Variants in MAGED1 observed in about 807,000 individuals in gnomAD.
The protein encoded by MAGED1 is melanoma-associated antigen D1.
MAGED1 carries 3 observed loss-of-function variants against 54.1 expected under a neutral mutation model. The ratio of observed to expected loss-of-function variants is 0.06; its 90% CI spans 0.03 to 0.14. The LOEUF is 0.14. Among genes scored for constraint, MAGED1 ranks in the 10% least tolerant of loss-of-function variants. MAGED1 has a pLI of 1.00. For missense variants in MAGED1, 485 were observed against 623.4 expected, an observed-to-expected ratio of 0.78 and a Z score of 2.36; for synonymous variants, 217 against 227.3, an observed-to-expected ratio of 0.95 and a Z score of 0.41.
chrX:51,894,798 C>A (rs782686787), intron 2 of MAGED1: 1 of 1,142,433 alleles, frequency 8.8e-7, no homozygotes, highest in East Asian at 3.0e-5. Flanking sequence ...GGCTCCTGTT[C>A]GTGCCCACTT....
intron 1 of MAGED1, among the ~76,000 whole-genome samples, chrX:51,811,511 C>T (rs782676191): frequency 9.0e-6 from 1 of 111,303 alleles, no homozygotes; most frequent in Non-Finnish European, 1.9e-5. Context: ...AATCACTAGG[C>T]TTAGGAAGGA....
chrX:51,896,099 CA>C (rs2081449935), intron 3 of MAGED1: 2 of 377,398 alleles, frequency 5.3e-6, no homozygotes, highest in Non-Finnish European at 9.1e-6. Context: ...GCCAATTTTA[CA>C]AAGAAGGAAA....
rs782000701 is a variant in MAGED1, at chrX:51,897,543, A to C, written c.1487-4A>C. ...CTCAGATGGCTCCCTCCTCTCTCCT[A>C]CAGAAATGCTGAGAGATATCATCCG... On this transcript the variant is annotated splice_region_variant and splice_polypyrimidine_tract_variant and intron_variant, in intron 5 of 12. Coordinates refer to ENST00000326587, the MANE Select transcript of MAGED1 (RefSeq NM_006986.4). The C allele has an allele frequency of 2.5e-6, 3 of 1,196,911 alleles. No individual in the cohort carries two copies. The highest frequency in any genetic ancestry group is 3.4e-6 in the Non-Finnish European group (3 of 883,433).
intron 2 of MAGED1, chrX:51,894,670 C>T (rs372507787): frequency 4.2e-6 from 5 of 1,186,972 alleles, no homozygotes; most frequent in Non-Finnish European, 5.7e-6. Flanking sequence ...CTCCCCCAGC[C>T]TCCTGCCTCC....
chrX:51,860,132 G>A (rs1276387676), intron 1 of MAGED1, among the ~76,000 whole-genome samples: 1 of 110,225 alleles, frequency 9.1e-6, no homozygotes, highest in African/African-American at 3.3e-5. Flanking sequence ...AGGCATGGTG[G>A]TGCACATCTG....
In MAGED1 at chrX:51,901,592, A is replaced by G; in HGVS notation, c.1999A>G (p.Met667Val). The G allele has an allele frequency of 8.3e-7, 1 of 1,201,542 alleles. No homozygotes were observed. Among genetic ancestry groups the G allele is most frequent in the Non-Finnish European group, 1.1e-6 (1 of 890,117 alleles). ...RDPRDWTAQF[M>V]EAADEALDAL... ...CCCTCGTGACTGGACTGCACAGTTC[A>G]TGGAGGCTGCAGATGAGGCCTTGGA... Residue 667 changes from methionine (M) to valine (V), a missense_variant, in exon 12 of 13, where the codon ATG becomes GTG. By Grantham distance (21) the Met-to-Val change is conservative. Transcript: ENST00000326587.
chrX:51,824,922 TGG>T (rs1557356863), intron 1 of MAGED1, among the ~76,000 whole-genome samples: 1 of 106,543 alleles, frequency 9.4e-6, no homozygotes, highest in Middle Eastern at 4.5e-3. Flanking sequence ...TTCCTCAGAC[TGG>T]ATGATCTGAA....
chrX:51,870,203 G>A (rs1385178190), intron 1 of MAGED1, among the ~76,000 whole-genome samples: 1 of 111,599 alleles, frequency 9.0e-6, no homozygotes, highest in African/African-American at 3.3e-5. Flanking sequence ...TAAAAAGTGA[G>A]GCTTGTATTT....
intron 1 of MAGED1, among the ~76,000 whole-genome samples, chrX:51,841,848 A>G (rs956999401): frequency 8.9e-6 from 1 of 111,973 alleles, no homozygotes; most frequent in African/African-American, 3.2e-5. Context: ...GCCTTGTAGT[A>G]TAGTTTAAAG....
Position 51,896,879 on chromosome X carries a change from C to T in MAGED1, c.1224C>T (p.Pro408=), listed in dbSNP as rs1312567036. 1.1e-5 allele frequency: 13 copies of T among 1,203,255 alleles called. No homozygotes were observed. Among genetic ancestry groups the T allele is most frequent in the East Asian group, 6.0e-5 (2 of 33,272 alleles). The change falls in exon 4 of 13, where the codon CCC becomes CCT. Residue 408 remains proline, a synonymous_variant. Coordinates refer to ENST00000326587, the MANE Select transcript of MAGED1 (RefSeq NM_006986.4). ...WQGPPDWPLP[P]DWPLPPDWPL... is the part of the protein sequence containing the mutation. The stretch of plus-strand genomic sequence containing the variant: ...GTCCTCCTGACTGGCCGCTACCACC[C>T]GACTGGCCACTGCCACCTGATTGGC...
intron 1 of MAGED1, among the ~76,000 whole-genome samples, chrX:51,880,052 C>T (rs782687468): frequency 9.3e-4 from 105 of 112,681 alleles, no homozygotes; most frequent in South Asian, 2.2e-3. Context: ...GAATTGTCTG[C>T]GTGGTGTCTA....
upstream of MAGED1, among the ~76,000 whole-genome samples, chrX:51,893,312 C>G (rs1928521075): frequency 9.6e-6 from 1 of 103,643 alleles, no homozygotes; most frequent in South Asian, 4.5e-4. Flanking sequence ...GGAATAGAGA[C>G]GCATTGCGGA....
At chrX:51,814,719 A>G (rs1457121373) in intron 1 of MAGED1, among the ~76,000 whole-genome samples, 2 of 111,303 alleles carry the variant, frequency 1.8e-5, no homozygotes, top group Non-Finnish European at 3.8e-5. Flanking sequence ...CTGTTGTAAC[A>G]TTGTAGTGCA....
chrX:51,836,053 T>C (rs1557357890), intron 1 of MAGED1, among the ~76,000 whole-genome samples: 1 of 112,038 alleles, frequency 8.9e-6, no homozygotes, highest in East Asian at 2.8e-4. Context: ...TTTACATCTC[T>C]AAAATTTTAA....
upstream of MAGED1, among the ~76,000 whole-genome samples, chrX:51,892,797 C>G (rs189262813): frequency 3.6e-5 from 4 of 111,651 alleles, no homozygotes; most frequent in African/African-American, 1.3e-4. Flanking sequence ...AAGACCCAGA[C>G]CCAAATTTTG....
At chrX:51,896,287 G>T in intron 3 of MAGED1, 122 bp from the exon 4 acceptor site, 1 of 609,749 alleles carries the variant, frequency 1.6e-6, no homozygotes, top group Non-Finnish European at 2.5e-6. Flanking sequence ...AGGACTCAGG[G>T]TGACCAATGG....
intron 12 of MAGED1, 74 bp downstream of exon 12, chrX:51,902,012 C>T (rs1929047935): frequency 1.2e-5 from 12 of 1,034,217 alleles, no homozygotes; most frequent in South Asian, 2.4e-5. Context: ...TATTTATGTG[C>T]ATGAGCTAGA....
chrX:51,897,445 C>T lies in MAGED1; in HGVS notation c.1487-102C>T. On this transcript the variant is annotated intron_variant, in intron 5 of 12. Coordinates refer to ENST00000326587, the MANE Select transcript of MAGED1 (RefSeq NM_006986.4). The stretch of plus-strand genomic sequence containing the variant: ...TCCTTTCCATGGTTGGCTCTTTCCA[C>T]CCTTGAGGACCTTGACTGTGCTACC... 3.8e-6 allele frequency: 3 copies of T among 797,275 alleles called. No individual in the cohort carries two copies. In the South Asian group the frequency reaches 6.8e-5, roughly 18 times the overall value. 65.7% of individuals were successfully genotyped at this position (797,275 alleles called of 1,213,427 possible). A position where few individuals can be genotyped will look rare whatever the true frequency, so the allele number is the denominator to read the frequency against.
chrX:51,891,978 T>A (rs928364388), upstream of MAGED1, among the ~76,000 whole-genome samples: 6 of 112,202 alleles, frequency 5.3e-5, no homozygotes, highest in Admixed American at 4.7e-4. Flanking sequence ...ATGCAACAGA[T>A]GAGGAAAGTC....
Sources: allele counts gnomAD v4.1 joint callset (sites outside exome capture counted in the v4.1 genomes callset), GRCh38; gene constraint gnomAD v4.1.1; transcripts MANE v1.5; gene names NCBI Gene and HGNC (gene_info 2026-07-23, HGNC 2026-07-21).